The following NCALD variants were observed in gnomAD, a reference collection of about 807,000 sequenced individuals.
NCALD encodes neurocalcin delta.
In NCALD, 10 loss-of-function variants were observed where a neutral mutation model predicts 18.6. The ratio of observed to expected loss-of-function variants is 0.54; its 90% confidence interval spans 0.33 to 0.91. NCALD has a LOEUF of 0.91. Among genes scored for constraint, NCALD ranks in the 40% least tolerant of loss-of-function variants. The pLI is 0.03. For missense variants in NCALD, 184 were observed against 247.6 expected (o/e 0.74, Z 1.72); for synonymous variants, 88 against 87.4 (o/e 1.01, Z -0.04).
At chr8:101,736,745 C>T (rs1327303339) in intron 1 of NCALD, among the ~76,000 whole-genome samples, 1 of 152,124 alleles carries the variant, frequency 6.6e-6, no homozygotes, top group Non-Finnish European at 1.5e-5. Flanking sequence ...CAAGTGGGGT[C>T]TGGGCGGAAT....
At chr8:101,756,447 C>T (rs1009391270) in intron 1 of NCALD, among the ~76,000 whole-genome samples, 1 of 152,176 alleles carries the variant, frequency 6.6e-6, no homozygotes, top group African/African-American at 2.4e-5. Flanking sequence ...TCAGACTGTA[C>T]CTGGCCCGTG....
rs914068454 is a variant in NCALD, at chr8:101,986,049, A to AT, written c.-157+34187dup. 1.8e-4 allele frequency among the ~76,000 whole-genome samples: 27 copies of AT among 149,148 alleles called. No individual in the cohort carries two copies. In the East Asian group the frequency reaches 3.7e-3, roughly 21 times the overall value. On this transcript the variant is annotated intron_variant, in intron 2 of 6. Coordinates refer to the NCALD transcript ENST00000311028. ...TTTTTCCTTTCCTTTTCTTTTTTCT[A>AT]TTTTTTTGAGACAGAGTATCACTCT...
chr8:101,916,168 C>T (rs1379234500), intron 2 of NCALD, among the ~76,000 whole-genome samples: 2 of 152,056 alleles, frequency 1.3e-5, no homozygotes, highest in East Asian at 3.8e-4. Context: ...AAGGAATACT[C>T]AAGAATGTGG....
intron 1 of NCALD, among the ~76,000 whole-genome samples, chr8:102,046,467 A>G (rs79222983): frequency 1.3e-5 from 2 of 152,090 alleles, no homozygotes; most frequent in South Asian, 4.2e-4. Flanking sequence ...TTTTATTATT[A>G]TAGGTTTATC....
chr8:101,971,805 T>C (rs896662227), intron 2 of NCALD, among the ~76,000 whole-genome samples: 5 of 152,184 alleles, frequency 3.3e-5, no homozygotes, highest in African/African-American at 7.2e-5. Context: ...CCAGAAACAC[T>C]GACCTGGCCT....
chr8:102,023,237 G>A (rs1251639983), intron 1 of NCALD, among the ~76,000 whole-genome samples: 1 of 152,168 alleles, frequency 6.6e-6, no homozygotes, highest in Admixed American at 6.5e-5. Context: ...AAAGCACAGA[G>A]GGTTTTGCTG....
chr8:101,962,033 G>A (rs1311763936), intron 2 of NCALD, among the ~76,000 whole-genome samples: 1 of 152,138 alleles, frequency 6.6e-6, no homozygotes, highest in Admixed American at 6.6e-5. Flanking sequence ...TCAAAAGAGA[G>A]AGTTCCTAAA....
At chr8:101,974,311 T>A (rs116188678) in intron 2 of NCALD, among the ~76,000 whole-genome samples, 1 of 152,326 alleles carries the variant, frequency 6.6e-6, no homozygotes, top group African/African-American at 2.4e-5. Flanking sequence ...ATCTTTGATA[T>A]ATAAACTAAG....
chr8:102,063,727 A>G (rs553375047), intron 1 of NCALD, among the ~76,000 whole-genome samples: 3 of 152,294 alleles, frequency 2.0e-5, no homozygotes, highest in African/African-American at 7.2e-5. Context: ...GAAAGCAAGC[A>G]TCATTTCATA....
chr8:102,015,714 T>G (rs1822060151), intron 2 of NCALD, among the ~76,000 whole-genome samples: 2 of 152,114 alleles, frequency 1.3e-5, no homozygotes, highest in Non-Finnish European at 2.9e-5. Flanking sequence ...TGGCATGCCC[T>G]TCCAAGGAGA....
At chr8:101,711,036 G>A (rs187819295) in intron 2 of NCALD, among the ~76,000 whole-genome samples, 99 of 152,288 alleles carry the variant, frequency 6.5e-4, no homozygotes, top group African/African-American at 2.2e-3. Flanking sequence ...ACCTGGCCAG[G>A]TGCCCCTCTG....
chr8:102,092,941 C>T (rs1164438032), intron 1 of NCALD, among the ~76,000 whole-genome samples: 2 of 152,200 alleles, frequency 1.3e-5, no homozygotes, highest in Non-Finnish European at 2.9e-5. Flanking sequence ...TATATGAGAG[C>T]AGGGACTATG....
At chr8:102,123,309 G>A (rs1325641955) in intron 1 of NCALD, among the ~76,000 whole-genome samples, 2 of 152,106 alleles carry the variant, frequency 1.3e-5, no homozygotes, top group South Asian at 2.1e-4. Flanking sequence ...CTTCTTGCGG[G>A]GCTAGCGTGT....
At chr8:101,749,285 A>G (rs950881384) in intron 1 of NCALD, among the ~76,000 whole-genome samples, 19 of 152,222 alleles carry the variant, frequency 1.2e-4, no homozygotes, top group Admixed American at 2.6e-4. Flanking sequence ...GCTCTGCAGA[A>G]TGGATAGTCT....
chr8:102,056,305 C>T (rs1024039908), intron 1 of NCALD, among the ~76,000 whole-genome samples: 5 of 152,118 alleles, frequency 3.3e-5, no homozygotes, highest in African/African-American at 4.8e-5. Context: ...GAAGCAAACT[C>T]GAGTCAGAAC....
intron 1 of NCALD, among the ~76,000 whole-genome samples, chr8:102,071,466 G>C (rs979490202): frequency 1.3e-5 from 2 of 152,154 alleles, no homozygotes; most frequent in African/African-American, 4.8e-5. Context: ...GTCTCAGGCA[G>C]CTTACAGTCC....
chr8:101,712,956 C>G (rs952854122), intron 2 of NCALD, among the ~76,000 whole-genome samples: 5 of 152,208 alleles, frequency 3.3e-5, no homozygotes, highest in African/African-American at 1.2e-4. Context: ...AACTCTACAC[C>G]CCAAATCAAC....
intron 2 of NCALD, among the ~76,000 whole-genome samples, chr8:101,970,897 G>A (rs546479434): frequency 2.6e-5 from 4 of 152,254 alleles, no homozygotes; most frequent in African/African-American, 4.8e-5. Flanking sequence ...CCTAATAGGA[G>A]GTATTTGGGT....
intron 4 of NCALD, among the ~76,000 whole-genome samples, chr8:101,842,906 G>A (rs751807562): frequency 3.3e-5 from 5 of 152,162 alleles, no homozygotes; most frequent in African/African-American, 1.2e-4. Context: ...GAAAAAAATA[G>A]GAGGTGGTTG....
Sources: gnomAD v4.1 joint callset for allele counts (sites outside exome capture counted in the v4.1 genomes callset) on GRCh38, gnomAD v4.1.1 for gene constraint, MANE v1.5 for transcripts, NCBI Gene and HGNC (gene_info 2026-07-23, HGNC 2026-07-21) for gene names.